Variants in GSG1L observed in about 807,000 individuals in gnomAD.
GSG1L encodes GSG1 like.
Under a neutral mutation model 42.1 loss-of-function variants are expected in GSG1L, and 24 were observed. The observed-to-expected ratio is 0.57, with a 90% CI of 0.41 to 0.80. The LOEUF (loss-of-function observed/expected upper bound fraction) is 0.80. GSG1L is among the 30% of genes least tolerant of loss of function. The pLI is 0.00. For synonymous variants in GSG1L, 215 were observed against 203.5 expected (o/e 1.06, Z -0.48); for missense variants, 445 against 472.2 (o/e 0.94, Z 0.53).
chr16:27,903,750 C>G (rs956121687), intron 2 of GSG1L, among the ~76,000 whole-genome samples: 1 of 152,126 alleles, frequency 6.6e-6, no homozygotes. Context: ...AGTGCAGTAT[C>G]CTGGCACCCA....
At chr16:27,811,056 C>CAA (rs60757090) in intron 5 of GSG1L, among the ~76,000 whole-genome samples, 4 of 152,006 alleles carry the variant, frequency 2.6e-5, no homozygotes, top group African/African-American at 9.7e-5. Context: ...CAAAAACAAA[C>CAA]AAAAAATCTC....
intron 1 of GSG1L, among the ~76,000 whole-genome samples, chr16:28,032,875 GC>G (rs1214567563): frequency 6.6e-6 from 1 of 151,832 alleles, no homozygotes; most frequent in Non-Finnish European, 1.5e-5. Context: ...ATCTCACCTG[GC>G]CCCCCACCTG....
rs190739681 is a variant in GSG1L at position 27,852,808 on chromosome 16, G to T, written c.551-7747C>A. Among the ~76,000 whole-genome samples, 531 of 152,310 alleles carry T rather than the reference G, an allele frequency of 3.5e-3. 8 individuals are homozygous for T. Among genetic ancestry groups the T allele is most frequent in the African/African-American group, 0.012 (489 of 41,574 alleles). ...ATGGCTGTGGCCTGAGAACAGGCGAGAGGAGCAGGAGGCAGGGAGCCTGGG... is the reference window on the plus strand; with the variant it reads ...ATGGCTGTGGCCTGAGAACAGGCGATAGGAGCAGGAGGCAGGGAGCCTGGG... On this transcript the variant is annotated intron_variant, in intron 3 of 6. Transcript: ENST00000447459.
chr16:27,792,030 C>T (rs1447617528), intron 6 of GSG1L, among the ~76,000 whole-genome samples: 6 of 152,052 alleles, frequency 3.9e-5, no homozygotes, highest in Non-Finnish European at 8.8e-5. Context: ...ATCTGCCCAC[C>T]CATTTTCCCT....
chr16:27,799,674 G>T (rs770373768), intron 6 of GSG1L, among the ~76,000 whole-genome samples: 1 of 152,172 alleles, frequency 6.6e-6, no homozygotes, highest in Non-Finnish European at 1.5e-5. Flanking sequence ...ATGGGAACTT[G>T]TGAAGGGGGC....
chr16:27,798,165 C>A (rs542111526), intron 6 of GSG1L, among the ~76,000 whole-genome samples: 83 of 152,254 alleles, frequency 5.5e-4, no homozygotes, highest in African/African-American at 9.6e-4. Context: ...ACCTGTACCC[C>A]CTGAACCTAT....
intron 1 of GSG1L, among the ~76,000 whole-genome samples, chr16:28,048,239 T>G (rs2086185943): frequency 6.6e-6 from 1 of 151,714 alleles, no homozygotes; most frequent in African/African-American, 2.4e-5. Context: ...AAAATATATA[T>G]ATAACAATAT....
chr16:27,861,995 A>G (rs1198742882), intron 3 of GSG1L, among the ~76,000 whole-genome samples: 2 of 152,166 alleles, frequency 1.3e-5, no homozygotes, highest in East Asian at 3.8e-4. Flanking sequence ...ACCCAAGTGG[A>G]CGGGTTGCAC....
At chr16:27,910,493 T>C (rs2084375775) in intron 2 of GSG1L, among the ~76,000 whole-genome samples, 1 of 152,254 alleles carries the variant, frequency 6.6e-6, no homozygotes, top group Non-Finnish European at 1.5e-5. Flanking sequence ...AAAGGTCCAT[T>C]GACTTGCTTA....
At chr16:27,841,912 G>A (rs563796877) in intron 4 of GSG1L, among the ~76,000 whole-genome samples, 1 of 152,310 alleles carries the variant, frequency 6.6e-6, no homozygotes, top group South Asian at 2.1e-4. Context: ...TCTGGAAAGG[G>A]GGACTCATGG....
intron 1 of GSG1L, among the ~76,000 whole-genome samples, chr16:28,017,805 A>G (rs2141162676): frequency 6.6e-6 from 1 of 152,320 alleles, no homozygotes; most frequent in Non-Finnish European, 1.5e-5. Context: ...GTTTAGGATT[A>G]TGTGGGTGTT....
intron 2 of GSG1L, among the ~76,000 whole-genome samples, chr16:27,960,785 G>A (rs1380689147): frequency 6.6e-6 from 1 of 152,112 alleles, no homozygotes; most frequent in Non-Finnish European, 1.5e-5. Flanking sequence ...GTGTTTGAGA[G>A]ACAGCGAGTA....
chr16:27,914,433 C>G (rs1215183014), intron 2 of GSG1L, among the ~76,000 whole-genome samples: 1 of 152,178 alleles, frequency 6.6e-6, no homozygotes, highest in East Asian at 1.9e-4. Flanking sequence ...GGTTCTCTCT[C>G]CGAGCCTCAG....
chr16:27,892,832 T>A (rs1300881572), intron 2 of GSG1L, among the ~76,000 whole-genome samples: 4 of 147,338 alleles, frequency 2.7e-5, no homozygotes, highest in Non-Finnish European at 6.0e-5. Context: ...AAAAACTAAG[T>A]CAATGCTAGG....
chr16:27,832,666 GTAA>G (rs1354435033), intron 4 of GSG1L, among the ~76,000 whole-genome samples: 1 of 152,164 alleles, frequency 6.6e-6, no homozygotes, highest in African/African-American at 2.4e-5. Context: ...TGATAAACGC[GTAA>G]TAATATCTCA....
chr16:28,007,334 A>G lies in GSG1L; in HGVS notation c.350-44131T>C, dbSNP rs535038713. On this transcript the variant is annotated intron_variant, in intron 1 of 6. Transcript: ENST00000447459. ...GCTTTGAAGATGCAGGAGATACCAG[A>G]CAAGGAGTATAACCGGCATCTAGAG... Among the ~76,000 whole-genome samples, 43 of 152,304 alleles carry G rather than the reference A, an allele frequency of 2.8e-4. No individual in the cohort carries two copies. In the South Asian group the frequency reaches 3.7e-3, roughly 13 times the overall value.
intron 1 of GSG1L, among the ~76,000 whole-genome samples, chr16:28,016,786 T>C (rs922705581): frequency 2.0e-5 from 3 of 152,188 alleles, no homozygotes; most frequent in African/African-American, 7.2e-5. Flanking sequence ...GTCATCCCCA[T>C]TTTAATAGAA....
At position 27,913,333 on chromosome 16, in the gene GSG1L, T is replaced by C. The variant is rs2084413464; in HGVS notation, c.398-28695A>G. ...TCTAGAAGTCAAGAAAGAGGTTGCC[T>C]TTGAGGGAGGGGCTGGGATCTCAGG... On this transcript the variant is annotated intron_variant, in intron 2 of 6. Transcript: ENST00000447459. Among the ~76,000 whole-genome samples the C allele has an allele frequency of 1.3e-5, 2 of 152,102 alleles. 1 individual carries two copies. Among genetic ancestry groups the C allele is most frequent in the Admixed American group, 1.3e-4 (2 of 15,278 alleles).
chr16:27,977,831 C>A (rs1302808812), intron 1 of GSG1L, among the ~76,000 whole-genome samples: 1 of 152,112 alleles, frequency 6.6e-6, no homozygotes, highest in East Asian at 1.9e-4. Context: ...AGAATTGGAC[C>A]TAGATATGTT....
Sources: gnomAD v4.1 joint callset for allele counts (sites outside exome capture counted in the v4.1 genomes callset) on GRCh38, gnomAD v4.1.1 for gene constraint, MANE v1.5 for transcripts, NCBI Gene and HGNC (gene_info 2026-07-23, HGNC 2026-07-21) for gene names.